TMEM161B: variants seen among roughly 807,000 people sequenced by gnomAD.
The protein encoded by TMEM161B is transmembrane protein 161B.
In TMEM161B, 34 loss-of-function variants were observed where a neutral mutation model predicts 61.8. The ratio of observed to expected loss-of-function variants is 0.55; its 90% CI spans 0.42 to 0.73. TMEM161B has a LOEUF of 0.73. TMEM161B is among the 30% of genes least tolerant of loss of function. TMEM161B has a pLI of 0.00. For missense variants in TMEM161B, 456 were observed against 558.5 expected (o/e 0.82, Z 1.85); for synonymous variants, 167 against 192.8 (o/e 0.87, Z 1.11).
rs1183683766 is a variant in TMEM161B, at chr5:88,252,065, C to T, written c.4-11149G>A. On this transcript the variant is annotated intron_variant, in intron 1 of 11. Transcript: ENST00000296595. The stretch of plus-strand genomic sequence containing the variant: ...TACATATTAAAATAATATTTGAGCA[C>T]AAAATTGCACGGTACTATGAATATG... Among the ~76,000 whole-genome samples the T allele has an allele frequency of 2.6e-5, 4 of 152,086 alleles. No homozygotes were observed. In the East Asian group the frequency reaches 5.8e-4, roughly 22 times the overall value.
chr5:88,239,265 G>A (rs1172913763), intron 2 of TMEM161B, among the ~76,000 whole-genome samples: 2 of 151,754 alleles, frequency 1.3e-5, no homozygotes, highest in Admixed American at 6.6e-5. Context: ...CACTAAAATG[G>A]GACAAGATTG....
downstream of TMEM161B, chr5:88,190,225 TGCC>T: frequency 1.4e-6 from 1 of 701,086 alleles, no homozygotes; most frequent in South Asian, 1.5e-5. Context: ...TAAGCTTGCA[TGCC>T]GGGTGGAACG....
chr5:88,258,202 T>A (rs548955474), intron 1 of TMEM161B, among the ~76,000 whole-genome samples: 5 of 152,226 alleles, frequency 3.3e-5, no homozygotes, highest in Admixed American at 6.5e-5. Context: ...AGCGTGCTTA[T>A]CTGTCCCTAT....
chr5:88,211,581 G>A (rs1036125886), intron 5 of TMEM161B, among the ~76,000 whole-genome samples: 10 of 151,856 alleles, frequency 6.6e-5, no homozygotes, highest in Non-Finnish European at 1.0e-4. Context: ...CCAACATGGC[G>A]AAATCCCATC....
At chr5:88,262,647 A>G (rs1408682499) in intron 1 of TMEM161B, among the ~76,000 whole-genome samples, 2 of 152,158 alleles carry the variant, frequency 1.3e-5, no homozygotes, top group Non-Finnish European at 2.9e-5. Flanking sequence ...GTTAATCTGA[A>G]AAGTCTACAT....
At chr5:88,256,591 C>G (rs1200777044) in intron 1 of TMEM161B, among the ~76,000 whole-genome samples, 1 of 152,178 alleles carries the variant, frequency 6.6e-6, no homozygotes, top group Non-Finnish European at 1.5e-5. Flanking sequence ...CCAACTTCTA[C>G]TAAAGAACAT....
chr5:88,254,771 G>C (rs1325886675), intron 1 of TMEM161B, among the ~76,000 whole-genome samples: 1 of 151,874 alleles, frequency 6.6e-6, no homozygotes, highest in Non-Finnish European at 1.5e-5. Flanking sequence ...TAGCCCAGTA[G>C]GTTGAGACTG....
downstream of TMEM161B, chr5:88,190,150 TG>T: frequency 1.4e-6 from 1 of 700,992 alleles, no homozygotes; most frequent in Non-Finnish European, 2.6e-6. Context: ...AGTAAATACT[TG>T]TTACCTCCAC....
At chr5:88,191,982 G>A (rs866509517), downstream of TMEM161B, among the ~76,000 whole-genome samples, 7 of 19,666 alleles carry the variant, frequency 3.6e-4, no homozygotes, top group Non-Finnish European at 4.1e-4. Context: ...AAAAAAAAGT[G>A]TATATATATA....
chr5:88,247,596 A>G (rs1301083808), intron 1 of TMEM161B, among the ~76,000 whole-genome samples: 1 of 152,136 alleles, frequency 6.6e-6, no homozygotes, highest in Admixed American at 6.6e-5. Flanking sequence ...AGATATGTTG[A>G]GACAGACTTC....
intron 5 of TMEM161B, 24 bp downstream of exon 5, chr5:88,220,539 T>C (rs748927281): frequency 2.6e-6 from 4 of 1,511,270 alleles, no homozygotes; most frequent in Non-Finnish European, 3.5e-6. Context: ...AATAAATTAA[T>C]ATTAATGATG....
downstream of TMEM161B, among the ~76,000 whole-genome samples, chr5:88,193,007 T>G (rs1171077659): frequency 6.6e-6 from 1 of 152,284 alleles, no homozygotes; most frequent in East Asian, 1.9e-4. Context: ...GCCACTATTT[T>G]ACCAATGATA....
chr5:88,188,043 CTTTCT>C, downstream of TMEM161B, among the ~76,000 whole-genome samples: 1 of 152,060 alleles, frequency 6.6e-6, no homozygotes, highest in East Asian at 1.9e-4. Context: ...ATTTTGTTCT[CTTTCT>C]TATCATTTCT....
downstream of TMEM161B, among the ~76,000 whole-genome samples, chr5:88,191,538 T>C (rs1240727433): frequency 1.3e-5 from 2 of 152,150 alleles, no homozygotes; most frequent in African/African-American, 4.8e-5. Context: ...GAGAAAACAC[T>C]CTTTGTGAAG....
At chr5:88,266,177 T>C (rs528673873) in intron 1 of TMEM161B, among the ~76,000 whole-genome samples, 2 of 152,196 alleles carry the variant, frequency 1.3e-5, no homozygotes, top group Non-Finnish European at 2.9e-5. Flanking sequence ...ATCTATTGAG[T>C]ATCGGTATAC....
chr5:88,224,681 C>A (rs1462616383), intron 4 of TMEM161B, among the ~76,000 whole-genome samples: 5 of 152,088 alleles, frequency 3.3e-5, no homozygotes, highest in Non-Finnish European at 1.5e-5. Context: ...TGCAGTTGAT[C>A]CTTGAACAAT....
At position 88,197,584 on chromosome 5, in the gene TMEM161B, T is replaced by A; in HGVS notation, c.1186+85A>T. On this transcript the variant is annotated intron_variant, in intron 11 of 11. Transcript: ENST00000296595. ...TTAAAAAGAGAAACAATTTTAAGAG[T>A]TGCATTTCTTTGTTGGTGACAAAAA... 1.3e-5 allele frequency: 14 copies of A among 1,113,276 alleles called. No homozygotes were observed. In the South Asian group the frequency reaches 1.9e-4, roughly 15 times the overall value. 69.0% of individuals were successfully genotyped at this position (1,113,276 alleles called of 1,614,324 possible). A position where few individuals can be genotyped will look rare whatever the true frequency, so the allele number is the denominator to read the frequency against.
chr5:88,186,524 C>T (rs528150877), downstream of TMEM161B, among the ~76,000 whole-genome samples: 1 of 152,030 alleles, frequency 6.6e-6, no homozygotes, highest in East Asian at 1.9e-4. Context: ...TATCCTGATT[C>T]CAGTCTTTTG....
rs1477776842 is a variant in TMEM161B, at chr5:88,195,691, T to C, written c.*520A>G. Reference sequence around the variant, plus strand: ...AACTATGCAGCTTTCTTTACTGTAATATACAGTAGCTATCTCTTCCTTTCT... The same window carrying C: ...AACTATGCAGCTTTCTTTACTGTAACATACAGTAGCTATCTCTTCCTTTCT... On this transcript the variant is annotated 3_prime_UTR_variant, in exon 12 of 12. Coordinates refer to ENST00000296595, the MANE Select transcript of TMEM161B (RefSeq NM_153354.5). 2 of 982,300 alleles carry C rather than the reference T, an allele frequency of 2.0e-6. No individual in the cohort carries two copies. The highest frequency in any genetic ancestry group is 2.3e-4 in the East Asian group (2 of 8,822). 60.8% of individuals were successfully genotyped at this position (982,300 alleles called of 1,614,324 possible).
Sources: allele counts gnomAD v4.1 joint callset (sites outside exome capture counted in the v4.1 genomes callset), GRCh38; gene constraint gnomAD v4.1.1; transcripts MANE v1.5; gene names NCBI Gene and HGNC (gene_info 2026-07-23, HGNC 2026-07-21).